GPR149: variants seen among roughly 807,000 people sequenced by gnomAD.
GPR149 encodes G protein-coupled receptor 149.
Under a neutral mutation model 50.2 loss-of-function variants are expected in GPR149, and 50 were observed. The ratio of observed to expected loss-of-function variants is 1.00; its 90% CI spans 0.79 to 1.26. The LOEUF is 1.26. GPR149 is among the 50% of genes most tolerant of loss of function. The probability of loss-of-function intolerance (pLI) is 0.00; values close to 1 mark genes in which losing one functional copy is unlikely to be tolerated. For missense variants in GPR149, 983 were observed against 895.4 expected (o/e 1.10, Z -1.25); for synonymous variants, 405 against 358.2 (o/e 1.13, Z -1.48).
intron 3 of GPR149, among the ~76,000 whole-genome samples, chr3:154,382,940 G>A (rs1714964007): frequency 6.6e-6 from 1 of 152,198 alleles, no homozygotes; most frequent in East Asian, 1.9e-4. Flanking sequence ...TTTTCAATGC[G>A]GACTGAAATT....
intron 3 of GPR149, among the ~76,000 whole-genome samples, chr3:154,343,313 G>T (rs1308114850): frequency 6.6e-6 from 1 of 152,008 alleles, no homozygotes; most frequent in Non-Finnish European, 1.5e-5. Flanking sequence ...AGTGAATAGT[G>T]GCTTGGCATT....
At chr3:154,381,541 T>A (rs2108406838) in intron 3 of GPR149, among the ~76,000 whole-genome samples, 1 of 152,276 alleles carries the variant, frequency 6.6e-6, no homozygotes, top group African/African-American at 2.4e-5. Flanking sequence ...GTCGTCAAGT[T>A]TTTAGGATTT....
intron 3 of GPR149, among the ~76,000 whole-genome samples, chr3:154,380,240 C>A (rs1288692613): frequency 6.7e-6 from 1 of 148,612 alleles, no homozygotes; most frequent in East Asian, 2.0e-4. Context: ...TGGCAAGTAT[C>A]AATGGTGTGC....
chr3:154,344,924 C>T (rs996903234), intron 3 of GPR149, among the ~76,000 whole-genome samples: 1 of 152,180 alleles, frequency 6.6e-6, no homozygotes, highest in East Asian at 1.9e-4. Flanking sequence ...ATTTTGTATG[C>T]AAACAGTACA....
chr3:154,342,890 A>G (rs1370674325), intron 3 of GPR149, among the ~76,000 whole-genome samples: 1 of 152,180 alleles, frequency 6.6e-6, no homozygotes, highest in East Asian at 1.9e-4. Context: ...CATTGATCCT[A>G]TGTCTGTGAG....
At chr3:154,347,574 T>G (rs911095712) in intron 3 of GPR149, among the ~76,000 whole-genome samples, 1 of 152,222 alleles carries the variant, frequency 6.6e-6, no homozygotes, top group Non-Finnish European at 1.5e-5. Flanking sequence ...CCATATTACA[T>G]GTGAAATCTA....
At chr3:154,361,841 G>A (rs1056404215) in intron 3 of GPR149, among the ~76,000 whole-genome samples, 3 of 152,108 alleles carry the variant, frequency 2.0e-5, no homozygotes, top group African/African-American at 4.8e-5. Flanking sequence ...CTTTAGACAT[G>A]TTGTTTACAA....
intron 3 of GPR149, among the ~76,000 whole-genome samples, chr3:154,349,961 T>C (rs1174950612): frequency 1.3e-5 from 2 of 152,064 alleles, no homozygotes; most frequent in Non-Finnish European, 2.9e-5. Flanking sequence ...TGAGATAGGG[T>C]TTTGCACTGT....
At chr3:154,372,972 C>G (rs946480085) in intron 3 of GPR149, among the ~76,000 whole-genome samples, 2 of 152,058 alleles carry the variant, frequency 1.3e-5, no homozygotes, top group Middle Eastern at 3.4e-3. Flanking sequence ...AATTGGATGT[C>G]CAATTTTAGA....
At chr3:154,427,470 C>A (rs1351059058) in intron 2 of GPR149, 46 bp downstream of exon 2, 4 of 1,523,462 alleles carry the variant, frequency 2.6e-6, no homozygotes, top group Non-Finnish European at 3.5e-6. Flanking sequence ...TTCTGAAAGT[C>A]ACCTAATGCA....
At chr3:154,372,346 T>C (rs557245168) in intron 3 of GPR149, among the ~76,000 whole-genome samples, 1 of 152,206 alleles carries the variant, frequency 6.6e-6, no homozygotes, top group Admixed American at 6.5e-5. Context: ...GTTGTAAACT[T>C]CCCTGTGTCC....
chr3:154,356,202 C>G (rs1223685779), intron 3 of GPR149, among the ~76,000 whole-genome samples: 1 of 152,018 alleles, frequency 6.6e-6, no homozygotes, highest in Non-Finnish European at 1.5e-5. Context: ...GACTTATGGG[C>G]TATGTTAGTC....
At position 154,340,007 on chromosome 3, in the gene GPR149, T is replaced by C. The variant is rs186530419; in HGVS notation, c.1624-1736A>G. ...CGGGGTTTCACTGTGTTAGCCAGGA[T>C]GGTCTCGATCTCCTGACCTTGTGAT... On this transcript the variant is annotated intron_variant, in intron 3 of 3. Coordinates refer to ENST00000389740, the MANE Select transcript of GPR149 (RefSeq NM_001038705.3). 3.1e-3 allele frequency among the ~76,000 whole-genome samples: 467 copies of C among 152,084 alleles called. 3 individuals carry two copies. The highest frequency in any genetic ancestry group is 0.01 in the African/African-American group (426 of 41,490).
At chr3:154,361,936 T>C (rs755033501) in intron 3 of GPR149, among the ~76,000 whole-genome samples, 1 of 152,182 alleles carries the variant, frequency 6.6e-6, no homozygotes, top group Non-Finnish European at 1.5e-5. Flanking sequence ...GTCTCTACTT[T>C]GAGAAATTTT....
At chr3:154,353,193 A>G (rs2108390495) in intron 3 of GPR149, 3 of 1,532,746 alleles carry the variant, frequency 2.0e-6, no homozygotes, top group Middle Eastern at 3.5e-4. Flanking sequence ...GACTTGAAGG[A>G]CATCTCCAAT....
intron 3 of GPR149, among the ~76,000 whole-genome samples, chr3:154,409,851 T>G (rs917085179): frequency 3.9e-5 from 6 of 152,188 alleles, no homozygotes; most frequent in African/African-American, 1.4e-4. Context: ...GCTAGACATC[T>G]GGACATCCAA....
chr3:154,368,090 G>A (rs1425886358), intron 3 of GPR149, among the ~76,000 whole-genome samples: 2 of 152,146 alleles, frequency 1.3e-5, no homozygotes, highest in Non-Finnish European at 2.9e-5. Flanking sequence ...TGGTGGTCCC[G>A]AAGTACACCC....
At chr3:154,341,292 CAT>C (rs373212063) in intron 3 of GPR149, among the ~76,000 whole-genome samples, 1,417 of 72,008 alleles carry the variant, frequency 0.02, 16 homozygotes, top group Middle Eastern at 0.035. Flanking sequence ...AAAAATAAGA[CAT>C]ATATATATAT....
intron 3 of GPR149, among the ~76,000 whole-genome samples, chr3:154,411,646 C>T (rs1711837049): frequency 6.6e-6 from 1 of 151,906 alleles, no homozygotes; most frequent in South Asian, 2.1e-4. Flanking sequence ...TAGATTAAAC[C>T]AGGAAGATAT....
Sources: allele counts gnomAD v4.1 joint callset (sites outside exome capture counted in the v4.1 genomes callset), GRCh38; gene constraint gnomAD v4.1.1; transcripts MANE v1.5; gene names NCBI Gene and HGNC (gene_info 2026-07-23, HGNC 2026-07-21).